The following B3GALT9 variants were observed in gnomAD, a reference collection of about 807,000 sequenced individuals.
The protein encoded by B3GALT9 is UDP-GlcNAc:betaGal beta-1,3-N-acetylglucosaminyltransferase 10 (putative).
At position 120,800,902 on chromosome 9, in the gene B3GALT9, A is replaced by G. The variant is rs1442377662; in HGVS notation, c.*1224A>G. ...CAACCCCCAGTCTCTGGTAACCTCC[A>G]TTTACTCTCTGTTTCTATGAATTTG... On this transcript the variant is annotated 3_prime_UTR_variant, in exon 3 of 3. Transcript: ENST00000689072. 1.3e-5 allele frequency among the ~76,000 whole-genome samples: 2 copies of G among 152,120 alleles called. No individual in the cohort carries two copies. The highest frequency in any genetic ancestry group is 2.9e-5 in the Non-Finnish European group (2 of 68,010).
At position 120,795,630 on chromosome 9, in the gene B3GALT9, G is replaced by T. The variant is rs3793637; in HGVS notation, c.-181-793G>T. ...AAAACATAGCCAACTTTAAATATAA[G>T]AAGTTATTCCTGGCCAAATAATTAC... On this transcript the variant is annotated intron_variant, in intron 1 of 2. Transcript: ENST00000689072. Among the ~76,000 whole-genome samples, 40 of 152,228 alleles carry T rather than the reference G, an allele frequency of 2.6e-4. 1 individual carries two copies. In the East Asian group the frequency reaches 7.3e-3, roughly 28 times the overall value.
rs926421168 is a variant in B3GALT9 at position 120,800,320 on chromosome 9, T to C, written c.*642T>C. 5.9e-5 allele frequency among the ~76,000 whole-genome samples: 9 copies of C among 151,800 alleles called. No individual in the cohort carries two copies. Among genetic ancestry groups the C allele is most frequent in the Admixed American group, 5.9e-4 (9 of 15,244 alleles). On this transcript the variant is annotated 3_prime_UTR_variant, in exon 3 of 3. Coordinates refer to ENST00000689072, the MANE Select transcript of B3GALT9 (RefSeq NM_001386823.1). The stretch of plus-strand genomic sequence containing the variant: ...TTTTAGTAGAGGCGGGGTTTCACCA[T>C]GTTGGCCAGGCTGGTCTCGAACTCC...
chr9:120,796,875 G>A (rs897797154), intron 2 of B3GALT9, among the ~76,000 whole-genome samples: 1 of 151,586 alleles, frequency 6.6e-6, no homozygotes, highest in Non-Finnish European at 1.5e-5. Flanking sequence ...TAGCCAATAT[G>A]GTGAAACTCC....
chr9:120,799,608 C>T lies in B3GALT9; in HGVS notation c.1040C>T (p.Thr347Met), dbSNP rs558532070. ...SYELISCKLLTYLDSFKRFHM... is the reference protein window; with the variant it reads ...SYELISCKLLMYLDSFKRFHM... ...GAGCTCATTTCCTGCAAACTTCTGA[C>T]GTACCTTGACAGCTTTAAACGTTTT... Residue 347 changes from threonine (T) to methionine (M), a missense_variant, in exon 3 of 3, where the codon ACG becomes ATG. Coordinates refer to ENST00000689072, the MANE Select transcript of B3GALT9 (RefSeq NM_001386823.1). 2.1e-4 allele frequency: 82 copies of T among 399,632 alleles called. No individual in the cohort carries two copies. Among genetic ancestry groups the T allele is most frequent in the Non-Finnish European group, 3.3e-4 (74 of 226,184 alleles). The allele number at this position is 399,632 out of a possible 1,614,324, so 24.8% of individuals were successfully genotyped here.
rs539828004 is a variant in B3GALT9, at chr9:120,800,110, C to T, written c.*432C>T. On this transcript the variant is annotated 3_prime_UTR_variant, in exon 3 of 3. Transcript: ENST00000689072. ...GACTATAGGCATGTGCCACCATACCCGGCTAATTTTTTTTTTTTTTTTTCG... is the reference window on the plus strand; with the variant it reads ...GACTATAGGCATGTGCCACCATACCTGGCTAATTTTTTTTTTTTTTTTTCG... Among the ~76,000 whole-genome samples, 3 of 146,306 alleles carry T rather than the reference C, an allele frequency of 2.1e-5. No individual in the cohort carries two copies. Among genetic ancestry groups the T allele is most frequent in the South Asian group, 2.2e-4 (1 of 4,614 alleles).
rs2044907040 is a variant in B3GALT9 at position 120,793,623 on chromosome 9, A to G, written c.-481A>G. On this transcript the variant is annotated 5_prime_UTR_variant, in exon 1 of 3. Transcript: ENST00000689072. The stretch of plus-strand genomic sequence containing the variant: ...AGAACGGAGGTTCCTTTCGTACCGT[A>G]CATCCAGGTTTGCACAGCGCGCTTA... 2.5e-6 allele frequency: 1 copy of G among 398,978 alleles called. No individual in the cohort carries two copies. Among genetic ancestry groups the G allele is most frequent in the Non-Finnish European group, 4.4e-6 (1 of 226,218 alleles). 24.7% of individuals were successfully genotyped at this position (398,978 alleles called of 1,614,324 possible). A position where few individuals can be genotyped will look rare whatever the true frequency, so the allele number is the denominator to read the frequency against.
At chr9:120,797,127 GAGAAAGAAAGAGAA>G (rs1443770886) in intron 2 of B3GALT9, among the ~76,000 whole-genome samples, 1 of 149,810 alleles carries the variant, frequency 6.7e-6, no homozygotes, top group Non-Finnish European at 1.5e-5. Flanking sequence ...GAGGGAAAGA[GAGAAAGAAAGAGAA>G]AGAAAGAAAA....
rs542343582 is a variant in B3GALT9, at chr9:120,800,879, AC to A, written c.*1206del. On this transcript the variant is annotated 3_prime_UTR_variant, in exon 3 of 3. Coordinates refer to ENST00000689072, the MANE Select transcript of B3GALT9 (RefSeq NM_001386823.1). ...TGGCCATATCTGCCAAGTTTTCCCAACCCCCAGTCTCTGGTAACCTCCATTT... is the reference window on the plus strand; with the variant it reads ...TGGCCATATCTGCCAAGTTTTCCCAACCCCAGTCTCTGGTAACCTCCATTT... Among the ~76,000 whole-genome samples the A allele has an allele frequency of 9.9e-5, 15 of 151,998 alleles. No individual in the cohort carries two copies. The highest frequency in any genetic ancestry group is 2.2e-4 in the Non-Finnish European group (15 of 67,952).
Position 120,801,395 on chromosome 9 carries a change from G to T in B3GALT9, c.*1717G>T, listed in dbSNP as rs758908487. 1.3e-5 allele frequency among the ~76,000 whole-genome samples: 2 copies of T among 151,942 alleles called. No homozygotes were observed. The highest frequency in any genetic ancestry group is 2.9e-5 in the Non-Finnish European group (2 of 67,996). The stretch of plus-strand genomic sequence containing the variant: ...TTTTTCATATACCTGTTGGCCATTT[G>T]TACTTCTTCTTTTGAGAAATGTCTA... On this transcript the variant is annotated 3_prime_UTR_variant, in exon 3 of 3. Transcript: ENST00000689072.
chr9:120,793,529 G>A lies in B3GALT9; in HGVS notation c.-575G>A. ...GCTGGAGGCCGGGAGTAGGGGTGGGGAGAAGAGCGTCCCGGGAAGCTGAAC... is the reference window on the plus strand; with the variant it reads ...GCTGGAGGCCGGGAGTAGGGGTGGGAAGAAGAGCGTCCCGGGAAGCTGAAC... On this transcript the variant is annotated 5_prime_UTR_variant, in exon 1 of 3. Coordinates refer to ENST00000689072, the MANE Select transcript of B3GALT9 (RefSeq NM_001386823.1). 1 of 399,952 alleles carries A rather than the reference G, an allele frequency of 2.5e-6. No homozygotes were observed. The highest frequency in any genetic ancestry group is 1.2e-4 in the South Asian group (1 of 8,130). The allele number at this position is 399,952 out of a possible 1,614,324, so 24.8% of individuals were successfully genotyped here.
chr9:120,799,556 G>C lies in B3GALT9; in HGVS notation c.988G>C (p.Glu330Gln). 5.0e-6 allele frequency: 2 copies of C among 399,724 alleles called. No individual in the cohort carries two copies. Among genetic ancestry groups the C allele is most frequent in the Non-Finnish European group, 8.8e-6 (2 of 226,216 alleles). The allele number at this position is 399,724 out of a possible 1,614,324, so 24.8% of individuals were successfully genotyped here. A position where few individuals can be genotyped will look rare whatever the true frequency, so the allele number is the denominator to read the frequency against. Residue 330 changes from glutamate (E) to glutamine (Q), a missense_variant, in exon 3 of 3, where the codon GAA becomes CAA. Glu to Gln is a conservative substitution (Grantham distance 29). Coordinates refer to ENST00000689072, the MANE Select transcript of B3GALT9 (RefSeq NM_001386823.1). Reference protein sequence around the residue: ...LAWKEINDGKECTLFETSYEL... With the variant: ...LAWKEINDGKQCTLFETSYEL... ...ATGGAAGGAAATTAATGATGGAAAA[G>C]AATGTACACTGTTTGAGACATCCTA...
At chr9:120,796,757 C>T (rs1392058754) in intron 2 of B3GALT9, 148 bp downstream of exon 2, 1 of 151,934 alleles carries the variant, frequency 6.6e-6, no homozygotes, top group Non-Finnish European at 1.5e-5. Context: ...TGTTTTTTGA[C>T]TGTTTAAAGG....
chr9:120,794,727 C>T (rs749699483), intron 1 of B3GALT9, among the ~76,000 whole-genome samples: 1 of 152,134 alleles, frequency 6.6e-6, no homozygotes, highest in African/African-American at 2.4e-5. Flanking sequence ...CATGCATACA[C>T]GCACATTCAC....
chr9:120,795,816 G>T (rs1235668313), intron 1 of B3GALT9, among the ~76,000 whole-genome samples: 1 of 152,184 alleles, frequency 6.6e-6, no homozygotes, highest in African/African-American at 2.4e-5. Flanking sequence ...AAATAAACTT[G>T]CTGGTAGAAA....
rs1365374765 is a variant in B3GALT9, at chr9:120,793,881, C to T, written c.-223C>T. 5.3e-6 allele frequency: 2 copies of T among 380,734 alleles called. No homozygotes were observed. Among genetic ancestry groups the T allele is most frequent in the South Asian group, 1.5e-4 (1 of 6,856 alleles). The allele number at this position is 380,734 out of a possible 1,614,324, so 23.6% of individuals were successfully genotyped here. ...CTTACATCTATTAGGAGGAGGAAGA[C>T]AGATAAACTAAGGCTCGTGCAAAGG... is the stretch of plus-strand genomic sequence containing the variant. On this transcript the variant is annotated 5_prime_UTR_variant, in exon 1 of 3. Coordinates refer to ENST00000689072, the MANE Select transcript of B3GALT9 (RefSeq NM_001386823.1).
At chr9:120,795,165 G>A (rs1002687226) in intron 1 of B3GALT9, among the ~76,000 whole-genome samples, 4 of 152,198 alleles carry the variant, frequency 2.6e-5, no homozygotes, top group Non-Finnish European at 5.9e-5. Flanking sequence ...AAGTCAGAAC[G>A]TGACTGATCA....
At chr9:120,795,629 AG>A (rs1331388642) in intron 1 of B3GALT9, among the ~76,000 whole-genome samples, 7 of 152,170 alleles carry the variant, frequency 4.6e-5, no homozygotes, top group Non-Finnish European at 8.8e-5. Flanking sequence ...TTTAAATATA[AG>A]AAGTTATTCC....
rs1172249389 is a variant in B3GALT9, at chr9:120,800,741, T to C, written c.*1063T>C. Among the ~76,000 whole-genome samples the C allele has an allele frequency of 6.6e-6, 1 of 152,212 alleles. No homozygotes were observed. The highest frequency in any genetic ancestry group is 1.5e-5 in the Non-Finnish European group (1 of 68,022). ...TTTTGTAGTGAGAACACTTAAAATC[T>C]ACTCTACTAACAATTATCAGATATT... On this transcript the variant is annotated 3_prime_UTR_variant, in exon 3 of 3. Coordinates refer to ENST00000689072, the MANE Select transcript of B3GALT9 (RefSeq NM_001386823.1).
In B3GALT9 at chr9:120,799,776, C is replaced by G; in HGVS notation, c.*98C>G. 2 of 397,292 alleles carry G rather than the reference C, an allele frequency of 5.0e-6. No individual in the cohort carries two copies. The highest frequency in any genetic ancestry group is 8.9e-6 in the Non-Finnish European group (2 of 225,896). 24.6% of individuals were successfully genotyped at this position (397,292 alleles called of 1,614,324 possible). Reference sequence around the variant, plus strand: ...CTTTCCCATGTTTTATGTAGGTTCTCTGAATCTTTAATTTTATTTGCAAAG... The same window carrying G: ...CTTTCCCATGTTTTATGTAGGTTCTGTGAATCTTTAATTTTATTTGCAAAG... On this transcript the variant is annotated 3_prime_UTR_variant, in exon 3 of 3. Coordinates refer to ENST00000689072, the MANE Select transcript of B3GALT9 (RefSeq NM_001386823.1).
Sources: allele counts gnomAD v4.1 joint callset (sites outside exome capture counted in the v4.1 genomes callset), GRCh38; gene constraint gnomAD v4.1.1; transcripts MANE v1.5; gene names NCBI Gene and HGNC (gene_info 2026-07-23, HGNC 2026-07-21).